Variants in MNDA observed in about 807,000 individuals in gnomAD.
The protein encoded by MNDA is myeloid cell nuclear differentiation antigen.
In MNDA, 43 loss-of-function variants were observed where a neutral mutation model predicts 37.8. That is an observed-to-expected ratio of 1.14 (90% CI 0.89 to 1.47). The LOEUF (loss-of-function observed/expected upper bound fraction) is 1.47. Among genes scored for constraint, MNDA ranks in the 40% most tolerant of loss-of-function variants. The pLI is 0.00. For missense variants in MNDA, 536 were observed against 476.0 expected (o/e 1.13, Z -1.17); for synonymous variants, 181 against 169.0 (o/e 1.07, Z -0.55).
chr1:158,843,454 G>A, intron 3 of MNDA, 39 bp downstream of exon 3: 1 of 1,548,604 alleles, frequency 6.5e-7, no homozygotes, highest in South Asian at 1.2e-5. Flanking sequence ...AAGCCTCACA[G>A]AAGATACTCT....
At chr1:158,837,056 A>G (rs1658930408) in intron 1 of MNDA, among the ~76,000 whole-genome samples, 1 of 151,838 alleles carries the variant, frequency 6.6e-6, no homozygotes, top group Admixed American at 6.6e-5. Context: ...TGATAAAAAA[A>G]TATACTCTGT....
intron 6 of MNDA, among the ~76,000 whole-genome samples, 192 bp from the exon 7 acceptor site, chr1:158,848,998 A>T (rs1042207209): frequency 3.3e-5 from 5 of 152,184 alleles, no homozygotes; most frequent in African/African-American, 1.2e-4. Context: ...AACAGAGATT[A>T]GTTAATGGGG....
intron 2 of MNDA, 132 bp from the exon 3 acceptor site, chr1:158,843,147 C>T: frequency 8.8e-7 from 1 of 1,138,948 alleles, no homozygotes; most frequent in South Asian, 1.6e-5. Flanking sequence ...TGGGTTAATG[C>T]AGTAGAGGTA....
intron 4 of MNDA, among the ~76,000 whole-genome samples, chr1:158,845,219 GTTGTTTGT>G (rs137942958): frequency 0.017 from 2,406 of 145,772 alleles, 63 homozygotes; most frequent in African/African-American, 0.053. Context: ...AGTTTTTGTT[GTTGTTTGT>G]TTGTTTGTTT....
rs1472484509 is a variant in MNDA at position 158,842,205 on chromosome 1, G to A, written c.52G>A (p.Asp18Asn). The change falls in exon 2 of 7, where the codon GAT becomes AAT. Residue 18 changes from aspartate (D) to asparagine (N), a missense_variant. Coordinates refer to ENST00000368141, the MANE Select transcript of MNDA (RefSeq NM_002432.3). ...TTTGCTGAAAGGATTTGAGCTCATG[G>A]ATGATTATCATTTTACATCAATTAA... ...ILLLKGFELM[D>N]DYHFTSIKSL... is the part of the protein sequence containing the mutation. 6.2e-7 allele frequency: 1 copy of A among 1,613,746 alleles called. No homozygotes were observed. Among genetic ancestry groups the A allele is most frequent in the African/African-American group, 1.3e-5 (1 of 74,918 alleles).
intron 5 of MNDA, 27 bp from the exon 6 acceptor site, chr1:158,847,701 A>G (rs1337168588): frequency 6.3e-7 from 1 of 1,593,438 alleles, no homozygotes; most frequent in African/African-American, 1.3e-5. Flanking sequence ...ATCCTCTCAG[A>G]AACAGGATGT....
At chr1:158,842,776 T>C (rs1659056370) in intron 2 of MNDA, 1 of 184,890 alleles carries the variant, frequency 5.4e-6, no homozygotes, top group African/African-American at 2.4e-5. Context: ...GCAGCAATAG[T>C]TCTATTAAGA....
Position 158,845,917 on chromosome 1 carries a change from G to A in MNDA, c.901G>A (p.Glu301Lys), listed in dbSNP as rs751266784. Residue 301 changes from glutamate to lysine, a missense_variant, in exon 5 of 7, where the codon GAA (glutamate) becomes AAA (lysine). Coordinates refer to ENST00000368141, the MANE Select transcript of MNDA (RefSeq NM_002432.3). Reference protein sequence around the residue: ...QNFEVPNRIIEIANKTPKISQ... With the variant: ...QNFEVPNRIIKIANKTPKISQ... ...TTTTGAGGTCCCAAACAGAATTATC[G>A]AAATAGCAAATAAAACTCCCAAGAT... The A allele has an allele frequency of 1.1e-5, 18 of 1,614,052 alleles. No individual in the cohort carries two copies. The highest frequency in any genetic ancestry group is 4.0e-5 in the African/African-American group (3 of 75,026).
intron 5 of MNDA, 116 bp from the exon 6 acceptor site, chr1:158,847,612 G>A: frequency 1.1e-6 from 1 of 952,362 alleles, no homozygotes; most frequent in Non-Finnish European, 1.5e-6. Context: ...CCACATGTAT[G>A]ATCTGTACCT....
At chr1:158,836,774 T>C (rs1177028067) in intron 1 of MNDA, among the ~76,000 whole-genome samples, 2 of 151,832 alleles carry the variant, frequency 1.3e-5, no homozygotes, top group African/African-American at 4.8e-5. Context: ...TAGTTTGTTC[T>C]ACTTTTTTAA....
intron 1 of MNDA, among the ~76,000 whole-genome samples, chr1:158,838,622 T>C (rs1205698896): frequency 6.6e-6 from 1 of 152,148 alleles, no homozygotes; most frequent in Non-Finnish European, 1.5e-5. Context: ...GTACATTTAG[T>C]CTTTTCTCAA....
In MNDA at chr1:158,845,578, C is replaced by T; in HGVS notation, c.571-9C>T. 6 of 1,604,856 alleles carry T rather than the reference C, an allele frequency of 3.7e-6. No homozygotes were observed. The highest frequency in any genetic ancestry group is 5.1e-6 in the Non-Finnish European group (6 of 1,175,778). ...TTTAAGTTTATTTTCTTGTGTCTGC[C>T]CAACACAGAATCAGGAAACCCAGGC... On this transcript the variant is annotated splice_polypyrimidine_tract_variant and intron_variant, in intron 4 of 6. Transcript: ENST00000368141.
chr1:158,838,813 A>G (rs1658972461), intron 1 of MNDA, among the ~76,000 whole-genome samples: 1 of 152,054 alleles, frequency 6.6e-6, no homozygotes, highest in Non-Finnish European at 1.5e-5. Context: ...ATTACACATG[A>G]CCTGTCTAAA....
intron 6 of MNDA, 80 bp downstream of exon 6, chr1:158,847,996 A>G (rs535862227): frequency 6.9e-4 from 910 of 1,326,560 alleles, no homozygotes; most frequent in Non-Finnish European, 8.8e-4. Context: ...CAGGTTCCTC[A>G]TGTATTACTC....
rs1659173056 is a variant in MNDA at position 158,847,913 on chromosome 1, C to T, written c.1173C>T (p.Ile391=). 1 of 1,613,210 alleles carries T rather than the reference C, an allele frequency of 6.2e-7. No homozygotes were observed. Among genetic ancestry groups the T allele is most frequent in the Non-Finnish European group, 8.5e-7 (1 of 1,179,478 alleles). ...LKLVCGSHSF[I]KVIKAKKNKE... The stretch of plus-strand genomic sequence containing the variant: ...TGGTGTGTGGAAGTCACAGCTTCAT[C>T]AAGGTGGGAACTGGATAGAGGAGAA... Residue 391 remains isoleucine, a synonymous_variant, in exon 6 of 7, where the codon ATC becomes ATT. Coordinates refer to ENST00000368141, the MANE Select transcript of MNDA (RefSeq NM_002432.3).
chr1:158,832,353 T>C (rs1242914243), intron 1 of MNDA, among the ~76,000 whole-genome samples: 1 of 151,862 alleles, frequency 6.6e-6, no homozygotes, highest in Non-Finnish European at 1.5e-5. Context: ...AGTAAGCTTG[T>C]TAATTATGTT....
Position 158,844,047 on chromosome 1 carries a change from C to A in MNDA, c.495C>A (p.Ser165Arg), listed in dbSNP as rs1156496876. 8.1e-6 allele frequency: 13 copies of A among 1,613,852 alleles called. No individual in the cohort carries two copies. The highest frequency in any genetic ancestry group is 1.7e-5 in the Admixed American group (1 of 59,968). Residue 165 changes from serine to arginine, a missense_variant, in exon 4 of 7, where the codon AGC becomes AGA. Physicochemically the swap from Ser to Arg is moderately radical, Grantham distance 110. Coordinates refer to ENST00000368141, the MANE Select transcript of MNDA (RefSeq NM_002432.3). ...QSKPPGPSGA[S>R]TSAAVDHPPL... is the part of the protein sequence containing the mutation. ...AGCCCCCAGGTCCCTCAGGAGCCAG[C>A]ACATCTGCAGCTGTGGATCATCCCC...
intron 1 of MNDA, among the ~76,000 whole-genome samples, chr1:158,839,500 G>A (rs1480286978): frequency 6.6e-6 from 1 of 152,128 alleles, no homozygotes; most frequent in Non-Finnish European, 1.5e-5. Context: ...ACTACTTTTT[G>A]CAGCCTCAAA....
chr1:158,845,724 T>G lies in MNDA; in HGVS notation c.708T>G (p.Phe236Leu), dbSNP rs569229227. 1 of 1,614,166 alleles carries G rather than the reference T, an allele frequency of 6.2e-7. No homozygotes were observed. The highest frequency in any genetic ancestry group is 8.5e-7 in the Non-Finnish European group (1 of 1,180,028). Residue 236 changes from phenylalanine to leucine, a missense_variant, in exon 5 of 7, where the codon TTT (phenylalanine) becomes TTG (leucine). Phe to Leu is a conservative substitution (Grantham distance 22, BLOSUM62 0). Coordinates refer to ENST00000368141, the MANE Select transcript of MNDA (RefSeq NM_002432.3). ...ESPENGKSTM[F>L]HATVASKTQY... ...CAGAAAATGGGAAAAGCACAATGTT[T>G]CATGCTACAGTGGCCAGTAAGACTC...
Sources: gnomAD v4.1 joint callset for allele counts (sites outside exome capture counted in the v4.1 genomes callset) on GRCh38, gnomAD v4.1.1 for gene constraint, MANE v1.5 for transcripts, NCBI Gene and HGNC (gene_info 2026-07-23, HGNC 2026-07-21) for gene names.